Variants in KIF11 observed in about 807,000 individuals in gnomAD.
KIF11 encodes the protein kinesin family member 11.
A neutral mutation model predicts 121.0 loss-of-function variants in KIF11; 9 were observed. The ratio of observed to expected loss-of-function variants is 0.07; its 90% confidence interval spans 0.04 to 0.13. The LOEUF is 0.13. Among genes scored for constraint, KIF11 ranks in the 10% least tolerant of loss-of-function variants. KIF11 has a pLI of 1.00. For synonymous variants in KIF11, 408 were observed against 421.0 expected (o/e 0.97, Z 0.38); for missense variants, 846 against 1,217.5 (o/e 0.69, Z 4.54).
chr10:92,614,021 T>TATACAC (rs1284311727), intron 8 of KIF11, among the ~76,000 whole-genome samples: 2,408 of 126,694 alleles, frequency 0.019, 25 homozygotes, highest in Non-Finnish European at 0.029. Context: ...AGTATGTGTA[T>TATACAC]ACACACACAC....
chr10:92,639,805 G>A lies in KIF11; in HGVS notation c.2172G>A (p.Lys724=), dbSNP rs769074185. The stretch of plus-strand genomic sequence containing the variant: ...CACCTTTCTTACAGGAACTTTGCAA[G>A]TTAATGAATCTTTGGACAGAGAGAT... ...IKQTHSQELC[K]LMNLWTERFC... is the part of the protein sequence containing the mutation. The change falls in exon 17 of 22, where the codon AAG becomes AAA. Residue 724 remains lysine, a synonymous_variant. Coordinates refer to ENST00000260731, the MANE Select transcript of KIF11 (RefSeq NM_004523.4). The A allele has an allele frequency of 6.2e-7, 1 of 1,605,486 alleles. No individual in the cohort carries two copies. Among genetic ancestry groups the A allele is most frequent in the South Asian group, 1.1e-5 (1 of 89,660 alleles).
chr10:92,637,721 C>T (rs1474927444), intron 16 of KIF11, among the ~76,000 whole-genome samples, 176 bp downstream of exon 16: 1 of 152,178 alleles, frequency 6.6e-6, no homozygotes, highest in Non-Finnish European at 1.5e-5. Flanking sequence ...GAATACTTCT[C>T]TTAATATTTG....
chr10:92,593,313 C>G lies in KIF11; in HGVS notation c.-63C>G, dbSNP rs565712763. On this transcript the variant is annotated 5_prime_UTR_variant, in exon 1 of 22. Coordinates refer to ENST00000260731, the MANE Select transcript of KIF11 (RefSeq NM_004523.4). Reference sequence around the variant, plus strand: ...ACTCCGGCCCCTGTCGGCCGCCAAGCCCCTCCGCCCCTCACAGCGCCCAGG... The same window carrying G: ...ACTCCGGCCCCTGTCGGCCGCCAAGGCCCTCCGCCCCTCACAGCGCCCAGG... 9 of 1,523,730 alleles carry G rather than the reference C, an allele frequency of 5.9e-6. No individual in the cohort carries two copies. In the South Asian group the frequency reaches 1.1e-4, roughly 18 times the overall value. 94.4% of individuals were successfully genotyped at this position (1,523,730 alleles called of 1,614,324 possible).
chr10:92,616,988 AT>A (rs1425859541), intron 9 of KIF11, among the ~76,000 whole-genome samples, 156 bp downstream of exon 9: 2 of 152,132 alleles, frequency 1.3e-5, no homozygotes, highest in Non-Finnish European at 2.9e-5. Flanking sequence ...ATGTTAACAT[AT>A]TTTTTTCTAA....
chr10:92,614,065 C>CACACACACACAT (rs1491391031), intron 8 of KIF11, among the ~76,000 whole-genome samples: 163 of 116,510 alleles, frequency 1.4e-3, no homozygotes, highest in African/African-American at 5.3e-3. Context: ...CACACACACA[C>CACACACACACAT]ATATAGTAGG....
At chr10:92,609,758 C>G (rs117794541) in intron 6 of KIF11, among the ~76,000 whole-genome samples, 1 of 151,910 alleles carries the variant, frequency 6.6e-6, no homozygotes, top group East Asian at 1.9e-4. Flanking sequence ...TTTTTTGAGA[C>G]GAATTTTCGC....
intron 12 of KIF11, 108 bp from the exon 13 acceptor site, chr10:92,632,378 G>T: frequency 1.3e-6 from 1 of 743,342 alleles, no homozygotes; most frequent in East Asian, 2.5e-5. Flanking sequence ...ATGTTGGCCA[G>T]GCTGGAAAAT....
chr10:92,635,717 T>C (rs1844788749), intron 14 of KIF11, among the ~76,000 whole-genome samples: 1 of 152,210 alleles, frequency 6.6e-6, no homozygotes, highest in African/African-American at 2.4e-5. Context: ...GTGCTCAAGG[T>C]AGGGTTGCCA....
chr10:92,613,486 C>T lies in KIF11; in HGVS notation c.899C>T (p.Thr300Ile). ...CTGTTGACTTTGGGAAGGGTCATTA[C>T]TGCCCTTGTAGAAAGAACACCTCAT... ...QSLLTLGRVI[T>I]ALVERTPHVP... The change falls in exon 8 of 22, where the codon ACT becomes ATT. Residue 300 changes from threonine (T) to isoleucine (I), a missense_variant. Thr to Ile is a moderately conservative substitution (Grantham distance 89, BLOSUM62 -1). Around this residue, in one of 5 missense-constraint regions of KIF11, gnomAD observed 116 missense variants for 285.3 expected, o/e 0.41. Coordinates refer to ENST00000260731, the MANE Select transcript of KIF11 (RefSeq NM_004523.4). This position sits in a 1 kb window ranked among gnomAD's most constrained non-coding sequence, Gnocchi z 4.2. 2 of 1,613,086 alleles carry T rather than the reference C, an allele frequency of 1.2e-6. No individual in the cohort carries two copies. Among genetic ancestry groups the T allele is most frequent in the Non-Finnish European group, 1.7e-6 (2 of 1,179,108 alleles).
At chr10:92,614,101 AT>A (rs199546714) in intron 8 of KIF11, among the ~76,000 whole-genome samples, 89 of 133,346 alleles carry the variant, frequency 6.7e-4, no homozygotes, top group Admixed American at 6.1e-4. Flanking sequence ...TAGTAGCTTC[AT>A]TTTTTTTTTT....
chr10:92,632,843 T>C (rs1844754057), intron 13 of KIF11, 150 bp downstream of exon 13: 4 of 459,424 alleles, frequency 8.7e-6, no homozygotes, highest in Non-Finnish European at 1.5e-5. Context: ...AATGCTTTTA[T>C]TGTCTTTGAA....
intron 9 of KIF11, among the ~76,000 whole-genome samples, chr10:92,618,328 C>G (rs572909064): frequency 7.3e-5 from 11 of 150,060 alleles, no homozygotes; most frequent in Admixed American, 2.0e-4. Context: ...ATTATAGATT[C>G]ACATGCAGTT....
intron 14 of KIF11, among the ~76,000 whole-genome samples, chr10:92,635,905 T>G (rs778871646): frequency 6.6e-6 from 1 of 152,242 alleles, no homozygotes; most frequent in Non-Finnish European, 1.5e-5. Context: ...TGCTAGCTCT[T>G]CTTTCCAAAA....
rs1277583922 is a variant in KIF11 at position 92,620,315 on chromosome 10, T to C, written c.1129-1070T>C. Among the ~76,000 whole-genome samples, 5 of 152,112 alleles carry C rather than the reference T, an allele frequency of 3.3e-5. No homozygotes were observed. In the South Asian group the frequency reaches 8.3e-4, roughly 25 times the overall value. ...CAGGATAGTCTTGATCTCCTGACCT[T>C]GTGATCCGCCCGCCTCGGCCTCCCA... On this transcript the variant is annotated intron_variant, in intron 9 of 21. Transcript: ENST00000260731.
Position 92,593,253 on chromosome 10 carries a change from C to G in KIF11, c.-123C>G. On this transcript the variant is annotated 5_prime_UTR_variant, in exon 1 of 22. Transcript: ENST00000260731. ...ACGCCGACCTGCGTGCGTCGGTCCTCCAGGCCACGCCAGCGCCCGAGAGGG... is the reference window on the plus strand; with the variant it reads ...ACGCCGACCTGCGTGCGTCGGTCCTGCAGGCCACGCCAGCGCCCGAGAGGG... The G allele has an allele frequency of 1.0e-6, 1 of 962,852 alleles. No individual in the cohort carries two copies. The highest frequency in any genetic ancestry group is 1.5e-6 in the Non-Finnish European group (1 of 649,004). The allele number at this position is 962,852 out of a possible 1,614,324, so 59.6% of individuals were successfully genotyped here.
chr10:92,606,173 G>T (rs371359626), intron 1 of KIF11, 92 bp from the exon 2 acceptor site: 13 of 1,250,056 alleles, frequency 1.0e-5, no homozygotes, highest in Middle Eastern at 4.3e-4. Context: ...TCAAAATTTC[G>T]CATTTTTCTT....
At chr10:92,614,076 G>GA (rs1220314906) in intron 8 of KIF11, among the ~76,000 whole-genome samples, 6 of 132,104 alleles carry the variant, frequency 4.5e-5, no homozygotes, top group Non-Finnish European at 6.4e-5. Context: ...ATATAGTAGG[G>GA]AAAAAAAGTT....
At chr10:92,598,749 G>T (rs1161769222) in intron 1 of KIF11, among the ~76,000 whole-genome samples, 1 of 152,054 alleles carries the variant, frequency 6.6e-6, no homozygotes, top group Non-Finnish European at 1.5e-5. Context: ...ATTTATTTAT[G>T]CCCCTTAATT....
chr10:92,645,912 C>G (rs912454078), intron 18 of KIF11, among the ~76,000 whole-genome samples: 2 of 150,778 alleles, frequency 1.3e-5, no homozygotes, highest in African/African-American at 2.4e-5. Context: ...AGAAGGGCAC[C>G]CTGTCTTTTG....
Sources: gnomAD v4.1 joint callset for allele counts (sites outside exome capture counted in the v4.1 genomes callset) on GRCh38, gnomAD v4.1.1 for gene constraint, gnomAD v4.1.1 regional missense constraint, Gnocchi (gnomAD v3.1) non-coding constraint, MANE v1.5 for transcripts, NCBI Gene and HGNC (gene_info 2026-07-23, HGNC 2026-07-21) for gene names.